The following PCGF3 variants were observed in gnomAD, a reference collection of about 807,000 sequenced individuals.
PCGF3 encodes polycomb group RING finger protein 3.
In PCGF3, 7 loss-of-function variants were observed where a neutral mutation model predicts 33.1. The ratio of observed to expected loss-of-function variants is 0.21; its 90% confidence interval spans 0.12 to 0.40. The LOEUF is 0.40. Ranked by LOEUF, PCGF3 falls within the 10% of genes least tolerant of loss-of-function variation. The probability of loss-of-function intolerance (pLI) is 1.00; values close to 1 mark genes in which losing one functional copy is unlikely to be tolerated. For synonymous variants in PCGF3, 153 were observed against 121.3 expected, an observed-to-expected ratio of 1.26 and a Z score of -1.72; for missense variants, 211 against 313.3, an observed-to-expected ratio of 0.67 and a Z score of 2.46.
At chr4:717,579 T>C (rs576653481) in intron 1 of PCGF3, among the ~76,000 whole-genome samples, 1 of 152,256 alleles carries the variant, frequency 6.6e-6, no homozygotes, top group East Asian at 1.9e-4. Context: ...GGGGTTTCAC[T>C]GTATTGGCCA....
chr4:730,243 C>T (rs1743494880), intron 1 of PCGF3, among the ~76,000 whole-genome samples: 1 of 152,226 alleles, frequency 6.6e-6, no homozygotes, highest in African/African-American at 2.4e-5. Flanking sequence ...AGCCAGCCGT[C>T]ACTGCCTTGC....
chr4:768,198 C>T (rs975512420), exon 11 of PCGF3: 9 of 152,810 alleles, frequency 5.9e-5, no homozygotes, highest in South Asian at 4.1e-4. Context: ...TTTGTAACCG[C>T]GTTAACCTGA....
At chr4:709,168 C>T (rs1051633648) in intron 1 of PCGF3, among the ~76,000 whole-genome samples, 8 of 152,156 alleles carry the variant, frequency 5.3e-5, no homozygotes, top group Non-Finnish European at 2.9e-5. Flanking sequence ...TGCCGTGTGG[C>T]TGCTTGGTGT....
rs574429112 is a variant in PCGF3, at chr4:726,650, G to A, written c.-189-3980G>A. The stretch of plus-strand genomic sequence containing the variant: ...TAGCAACCTCCAAAGGTTCACGGTC[G>A]CCTTTTCCATTGTCCTCACCCACCC... On this transcript the variant is annotated intron_variant, in intron 1 of 10. Coordinates refer to ENST00000362003, the Ensembl canonical transcript of PCGF3. 4.6e-5 allele frequency among the ~76,000 whole-genome samples: 7 copies of A among 152,182 alleles called. No homozygotes were observed. In the East Asian group the frequency reaches 1.2e-3, roughly 25 times the overall value.
chr4:728,700 C>T (rs1230922295), intron 1 of PCGF3, among the ~76,000 whole-genome samples: 1 of 152,216 alleles, frequency 6.6e-6, no homozygotes, highest in African/African-American at 2.4e-5. Context: ...AGGTCTGTGT[C>T]TGTGTTTTCA....
rs1272490007 is a variant in PCGF3, at chr4:721,631, G to T, written c.-189-8999G>T. ...AGAGAAGCTCCTGGTGAGCGGGGCT[G>T]CTGAACGCAGGCCCCAGGGCCTGTA... On this transcript the variant is annotated intron_variant, in intron 1 of 10. Transcript: ENST00000362003. The surrounding 1 kb of genome is among the most constrained non-coding windows in gnomAD (Gnocchi z 4.1). Among the ~76,000 whole-genome samples the T allele has an allele frequency of 6.6e-6, 1 of 152,162 alleles. No individual in the cohort carries two copies. Among genetic ancestry groups the T allele is most frequent in the East Asian group, 1.9e-4 (1 of 5,184 alleles).
At chr4:716,950 A>T in intron 1 of PCGF3, among the ~76,000 whole-genome samples, 2 of 117,444 alleles carry the variant, frequency 1.7e-5, no homozygotes, top group African/African-American at 3.3e-5. Context: ...AGACACTGTG[A>T]GTGTGAGAAC....
intron 1 of PCGF3, among the ~76,000 whole-genome samples, chr4:709,719 C>T (rs544719257): frequency 1.7e-4 from 26 of 152,316 alleles, no homozygotes; most frequent in Admixed American, 7.2e-4. Context: ...TTGGATGGTT[C>T]GGGATTTCAT....
At chr4:731,054 C>T in exon 3 of PCGF3, 1 of 398,618 alleles carries the variant, frequency 2.5e-6, no homozygotes, top group Non-Finnish European at 4.4e-6. Context: ...CGTGGGAGTG[C>T]TGGCCTGAAG....
chr4:756,768 C>T (rs111457967), intron 8 of PCGF3, among the ~76,000 whole-genome samples: 48 of 152,272 alleles, frequency 3.2e-4, no homozygotes, highest in African/African-American at 1.1e-3. Context: ...AGCTCTGCCC[C>T]CATTAAACAC....
chr4:709,481 G>T (rs1353835318), intron 1 of PCGF3, among the ~76,000 whole-genome samples: 1 of 152,140 alleles, frequency 6.6e-6, no homozygotes, highest in Admixed American at 6.5e-5. Context: ...TGAAAGGCAA[G>T]CGTGAATGAT....
chr4:742,698 G>T (rs566412035), intron 6 of PCGF3, among the ~76,000 whole-genome samples: 1 of 152,314 alleles, frequency 6.6e-6, no homozygotes, highest in East Asian at 1.9e-4. Context: ...CCTCTGGTCC[G>T]GCCAGAGGTG....
intron 4 of PCGF3, chr4:734,225 CCT>C: frequency 6.6e-7 from 1 of 1,507,924 alleles, no homozygotes; most frequent in Non-Finnish European, 8.9e-7. Context: ...TGGGGCTGGA[CCT>C]GAGTGTTTTT....
chr4:758,202 C>T (rs897010271), intron 8 of PCGF3, among the ~76,000 whole-genome samples: 7 of 145,340 alleles, frequency 4.8e-5, no homozygotes, highest in African/African-American at 1.6e-4. Context: ...AGTCCAAAGT[C>T]ACTGTAAGTC....
intron 1 of PCGF3, among the ~76,000 whole-genome samples, chr4:719,427 C>T (rs1487330792): frequency 6.6e-6 from 1 of 152,252 alleles, no homozygotes; most frequent in East Asian, 1.9e-4. Flanking sequence ...GGACTGTCTT[C>T]TCACCAGGCG....
chr4:739,975 C>G (rs971192264), intron 6 of PCGF3, among the ~76,000 whole-genome samples: 1 of 152,218 alleles, frequency 6.6e-6, no homozygotes, highest in Admixed American at 6.5e-5. Flanking sequence ...CTTGTTGTTT[C>G]TCAAGCTTTC....
At chr4:769,646 C>T (rs1745537732) in exon 11 of PCGF3, 1 of 152,622 alleles carries the variant, frequency 6.6e-6, no homozygotes, top group African/African-American at 2.4e-5. Flanking sequence ...GTCTCCCTCA[C>T]CCTCCAGGTG....
At chr4:765,553 C>T (rs1424818308) in intron 10 of PCGF3, among the ~76,000 whole-genome samples, 1 of 152,242 alleles carries the variant, frequency 6.6e-6, no homozygotes, top group Non-Finnish European at 1.5e-5. Flanking sequence ...GCGAAGGGCA[C>T]AGGCCCTGGT....
chr4:719,579 G>A (rs374844502), intron 1 of PCGF3, among the ~76,000 whole-genome samples: 1 of 152,276 alleles, frequency 6.6e-6, no homozygotes, highest in Non-Finnish European at 1.5e-5. Context: ...GCAATGCGGG[G>A]TCCCGTCAGG....
Sources: gnomAD v4.1 joint callset for allele counts (sites outside exome capture counted in the v4.1 genomes callset) on GRCh38, gnomAD v4.1.1 for gene constraint, Gnocchi (gnomAD v3.1) non-coding constraint, MANE v1.5 for transcripts, NCBI Gene and HGNC (gene_info 2026-07-23, HGNC 2026-07-21) for gene names.